CUL7: variants seen among roughly 807,000 people sequenced by gnomAD.
CUL7 encodes the protein cullin 7, also known as cullin-7.
CUL7 carries 96 observed loss-of-function variants against 177.7 expected under a neutral mutation model. The observed-to-expected ratio is 0.54, with a 90% CI of 0.46 to 0.64. CUL7 has a LOEUF of 0.64. Among genes scored for constraint, CUL7 ranks in the 30% least tolerant of loss-of-function variants. The pLI is 0.00. For synonymous variants in CUL7, 824 were observed against 890.2 expected (o/e 0.93, Z 1.32); for missense variants, 1,893 against 2,187.9 (o/e 0.87, Z 2.69).
Position 43,044,879 on chromosome 6 carries a change from G to T in CUL7, c.3045C>A (p.Asn1015Lys). 1 of 1,613,444 alleles carries T rather than the reference G, an allele frequency of 6.2e-7. No individual in the cohort carries two copies. Among genetic ancestry groups the T allele is most frequent in the South Asian group, 1.1e-5 (1 of 91,034 alleles). Residue 1015 changes from asparagine to lysine, a missense_variant, in exon 16 of 26, where the codon AAC becomes AAA. Around this residue, in one of 5 missense-constraint regions of CUL7, gnomAD observed 973 missense variants for 1,140.9 expected, o/e 0.85. Transcript: ENST00000265348. ...AATTCTGCTCCTGGCGCAGAGCACC[G>T]TTGAGTCTGGGGGTGAGAATGGAGG... The part of the protein sequence containing the change: ...RSLLHLSSRL[N>K]GALRQEQNFA...
At chr6:43,041,104 A>G in intron 19 of CUL7, 29 bp from the exon 20 acceptor site, 1 of 1,612,044 alleles carries the variant, frequency 6.2e-7, no homozygotes, top group East Asian at 2.2e-5. Context: ...CAGGAAAGCC[A>G]TGAATGAGCG....
intron 7 of CUL7, 46 bp downstream of exon 7, chr6:43,049,361 A>G (rs1375703733): frequency 6.2e-7 from 1 of 1,613,260 alleles, no homozygotes; most frequent in Admixed American, 1.7e-5. Context: ...CTCCTGTGCT[A>G]CTGCCCTGAA....
chr6:43,050,572 ACAC>A lies in CUL7; in HGVS notation c.1234-177_1234-175del, dbSNP rs1764311599. 6.8e-6 allele frequency among the ~76,000 whole-genome samples: 1 copy of A among 146,760 alleles called. No homozygotes were observed. Among genetic ancestry groups the A allele is most frequent in the Middle Eastern group, 3.3e-3 (1 of 300 alleles). ...AATACACACACACACACACACACACACACACACACACACACACACACACACACA... is the reference window on the plus strand; with the variant it reads ...AATACACACACACACACACACACACAACACACACACACACACACACACACA... On this transcript the variant is annotated intron_variant, in intron 4 of 25. Transcript: ENST00000265348. This position sits in a 1 kb window ranked among gnomAD's most constrained non-coding sequence, Gnocchi z 4.1.
Position 43,052,002 on chromosome 6 carries a change from G to A in CUL7, c.580+207C>T. ...CATAAAAAGCAACTAATTAATATGA[G>A]GTTCTTGAAGATAGTCTTTCCTCTT... On this transcript the variant is annotated intron_variant, in intron 2 of 25. Coordinates refer to ENST00000265348, the MANE Select transcript of CUL7 (RefSeq NM_014780.5). This position sits in a 1 kb window ranked among gnomAD's most constrained non-coding sequence, Gnocchi z 4.5. 2 of 985,734 alleles carry A rather than the reference G, an allele frequency of 2.0e-6. No homozygotes were observed. The highest frequency in any genetic ancestry group is 3.0e-6 in the Non-Finnish European group (2 of 675,544). The allele number at this position is 985,734 out of a possible 1,614,324, so 61.1% of individuals were successfully genotyped here.
Position 43,053,735 on chromosome 6 carries a change from C to G in CUL7, c.-122G>C. The G allele has an allele frequency of 6.8e-7, 1 of 1,474,810 alleles. No individual in the cohort carries two copies. Among genetic ancestry groups the G allele is most frequent in the African/African-American group, 1.4e-5 (1 of 69,346 alleles). 91.4% of individuals were successfully genotyped at this position (1,474,810 alleles called of 1,614,324 possible). A position where few individuals can be genotyped will look rare whatever the true frequency, so the allele number is the denominator to read the frequency against. ...CCTGGGCCCCGCGAGGGGGTCGAGACGGAGAGACGGGAGGGGGCGTGCCTC... is the reference window on the plus strand; with the variant it reads ...CCTGGGCCCCGCGAGGGGGTCGAGAGGGAGAGACGGGAGGGGGCGTGCCTC... On this transcript the variant is annotated 5_prime_UTR_variant, in exon 1 of 26. Coordinates refer to ENST00000265348, the MANE Select transcript of CUL7 (RefSeq NM_014780.5). This position sits in a 1 kb window ranked among gnomAD's most constrained non-coding sequence, Gnocchi z 4.1.
In CUL7 at chr6:43,046,983, T is replaced by C; in HGVS notation, c.2294A>G (p.Lys765Arg). ...ISKALEKHLG[K>R]LELAQELRDM... ...CCGCAGCTCCTGAGCCAGCTCCAGC[T>C]TTCCCAGGTGCTTTTCCAGGGCCTT... Residue 765 changes from lysine to arginine, a missense_variant, in exon 10 of 26, where the codon AAG becomes AGG. Transcript: ENST00000265348. 1 of 1,613,442 alleles carries C rather than the reference T, an allele frequency of 6.2e-7. No individual in the cohort carries two copies. Among genetic ancestry groups the C allele is most frequent in the Non-Finnish European group, 8.5e-7 (1 of 1,179,370 alleles).
In CUL7 at chr6:43,053,749, G is replaced by C; in HGVS notation, c.-136C>G. ...GGGGGTCGAGACGGAGAGACGGGAG[G>C]GGGCGTGCCTCCGCGGAACAGAGCT... On this transcript the variant is annotated 5_prime_UTR_variant, in exon 1 of 26. Coordinates refer to ENST00000265348, the MANE Select transcript of CUL7 (RefSeq NM_014780.5). This position sits in a 1 kb window ranked among gnomAD's most constrained non-coding sequence, Gnocchi z 4.1. 4 of 1,495,296 alleles carry C rather than the reference G, an allele frequency of 2.7e-6. No homozygotes were observed. The highest frequency in any genetic ancestry group is 3.6e-6 in the Non-Finnish European group (4 of 1,124,750). 92.6% of individuals were successfully genotyped at this position (1,495,296 alleles called of 1,614,324 possible).
At chr6:43,038,213 T>A in intron 25 of CUL7, 54 bp downstream of exon 25, 1 of 1,594,558 alleles carries the variant, frequency 6.3e-7, no homozygotes, top group South Asian at 1.1e-5. Flanking sequence ...TCCTGTAGAC[T>A]GCTCCCCCAA....
At position 43,052,759 on chromosome 6, in the gene CUL7, G is replaced by C. The variant is rs773024627; in HGVS notation, c.30C>G (p.Phe10Leu). 3 of 1,608,676 alleles carry C rather than the reference G, an allele frequency of 1.9e-6. No individual in the cohort carries two copies. The highest frequency in any genetic ancestry group is 2.5e-6 in the Non-Finnish European group (3 of 1,180,000). MVGELRYRE[F>L]RVPLGPGLHA... ...GTAAGCCGGGCCCCAGGGGCACCCT[G>C]AATTCCCTGTAGCGGAGTTCTCCCA... The change falls in exon 2 of 26, where the codon TTC becomes TTG. Residue 10 changes from phenylalanine (F) to leucine (L), a missense_variant. By Grantham distance (22) the Phe-to-Leu change is conservative (BLOSUM62 0). Transcript: ENST00000265348. The surrounding 1 kb of genome is among the most constrained non-coding windows in gnomAD (Gnocchi z 4.5).
In CUL7 at chr6:43,046,616, TCA is replaced by T. The variant is rs1763932234; in HGVS notation, c.2398-17_2398-16del. 2 of 1,613,808 alleles carry T rather than the reference TCA, an allele frequency of 1.2e-6. No individual in the cohort carries two copies. The highest frequency in any genetic ancestry group is 1.3e-5 in the African/African-American group (1 of 74,832). On this transcript the variant is annotated splice_polypyrimidine_tract_variant and intron_variant, in intron 10 of 25. Coordinates refer to ENST00000265348, the MANE Select transcript of CUL7 (RefSeq NM_014780.5). The stretch of plus-strand genomic sequence containing the variant: ...CCCAGCACCATCTGCAGCCAGAACA[TCA>T]GAGAGAAGGGGCACAGGGGCAGAAG...
rs200518323 is a variant in CUL7 at position 43,046,422 on chromosome 6, G to C, written c.2489-15C>G. 359 of 1,614,208 alleles carry C rather than the reference G, an allele frequency of 2.2e-4. No homozygotes were observed. Among genetic ancestry groups the C allele is most frequent in the Non-Finnish European group, 8.5e-6 (10 of 1,180,032 alleles). On this transcript the variant is annotated splice_polypyrimidine_tract_variant and intron_variant, in intron 11 of 25. Transcript: ENST00000265348. ...CACACTGGAGCCTGGGGGCAAGTGG[G>C]AAGGGGTGGTGGTCACGGTCAGGTA...
In CUL7 at chr6:43,048,225, C is replaced by T. The variant is rs374554501; in HGVS notation, c.2092G>A (p.Glu698Lys). Residue 698 changes from glutamate to lysine, a missense_variant, in exon 9 of 26, where the codon GAG (glutamate) becomes AAG (lysine). By Grantham distance (56) the Glu-to-Lys change is moderately conservative. Coordinates refer to ENST00000265348, the MANE Select transcript of CUL7 (RefSeq NM_014780.5). ...RILKQLVDFP[E>K]ALLLPWHEAV... ...TCGTGCCAGGGGAGCAGCAGTGCCT[C>T]GGGGAAGTCCACCAGCTGCTTCAGG... 5.6e-6 allele frequency: 9 copies of T among 1,613,868 alleles called. No homozygotes were observed. The highest frequency in any genetic ancestry group is 4.0e-5 in the African/African-American group (3 of 74,916).
rs1581900266 is a variant in CUL7 at position 43,038,453 on chromosome 6, A to G, written c.4587T>C (p.Asp1529=). The G allele has an allele frequency of 1.2e-6, 2 of 1,614,158 alleles. No homozygotes were observed. Among genetic ancestry groups the G allele is most frequent in the Non-Finnish European group, 1.7e-6 (2 of 1,180,028 alleles). ...ATCTCGACCTGGGTTCCTTGCTGCC[A>G]TCTCGAATCTTGAGGACCCCTGAAA... The part of the protein sequence containing the change: ...DIPGGVLKIR[D]GSKEPRSRWD... The change falls in exon 25 of 26, where the codon GAT becomes GAC. Residue 1529 remains aspartate (D), a synonymous_variant. Transcript: ENST00000265348.
rs781705770 is a variant in CUL7, at chr6:43,040,884, G to A, written c.3806+31C>T. 1.1e-5 allele frequency: 17 copies of A among 1,610,406 alleles called. No homozygotes were observed. Among genetic ancestry groups the A allele is most frequent in the Admixed American group, 5.0e-5 (3 of 59,602 alleles). Reference sequence around the variant, plus strand: ...CTCTGCCACCATCATCCTGCCTCCCGCCAGCTCCCGCTCCTTAGGTCCACA... The same window carrying A: ...CTCTGCCACCATCATCCTGCCTCCCACCAGCTCCCGCTCCTTAGGTCCACA... On this transcript the variant is annotated intron_variant, in intron 20 of 25. Coordinates refer to ENST00000265348, the MANE Select transcript of CUL7 (RefSeq NM_014780.5). The surrounding 1 kb of genome is among the most constrained non-coding windows in gnomAD (Gnocchi z 4.2).
In CUL7 at chr6:43,037,708, T is replaced by C; in HGVS notation, c.5077A>G (p.Ser1693Gly). ...TAGGGCTACCGGAAGGTAGAGAAGCTCTGGGTGGCAGTGCAGGAGGCATAG... is the reference window on the plus strand; with the variant it reads ...TAGGGCTACCGGAAGGTAGAGAAGCCCTGGGTGGCAGTGCAGGAGGCATAG... ...VPYASCTATQ[S>G]FSTFR Residue 1693 changes from serine (S) to glycine (G), a missense_variant, in exon 26 of 26, where the codon AGC becomes GGC. Around this residue, in one of 5 missense-constraint regions of CUL7, gnomAD observed 248 missense variants for 262.5 expected, o/e 0.94. Transcript: ENST00000265348. 1 of 1,558,286 alleles carries C rather than the reference T, an allele frequency of 6.4e-7. No homozygotes were observed. The highest frequency in any genetic ancestry group is 8.7e-7 in the Non-Finnish European group (1 of 1,150,674).
In CUL7 at chr6:43,045,184, A is replaced by T; in HGVS notation, c.3038+43T>A. 6.3e-7 allele frequency: 1 copy of T among 1,595,794 alleles called. No individual in the cohort carries two copies. The highest frequency in any genetic ancestry group is 1.1e-5 in the South Asian group (1 of 89,342). ...CCTGCCAGCTATTTGCAATAGCCTT[A>T]CCTTTCCCACAGACACAAGCATACA... On this transcript the variant is annotated intron_variant, in intron 15 of 25. Coordinates refer to ENST00000265348, the MANE Select transcript of CUL7 (RefSeq NM_014780.5). This position sits in a 1 kb window ranked among gnomAD's most constrained non-coding sequence, Gnocchi z 4.8.
rs34916226 is a variant in CUL7 at position 43,044,875 on chromosome 6, C to T, written c.3049G>A (p.Ala1017Thr). 453 of 1,613,532 alleles carry T rather than the reference C, an allele frequency of 2.8e-4. No individual in the cohort carries two copies. The African/African-American group carries it at 5.6e-3, about 20-fold the overall frequency. The change falls in exon 16 of 26, where the codon GCT (alanine) becomes ACT (threonine). Residue 1017 changes from alanine to threonine, a missense_variant. Coordinates refer to ENST00000265348, the MANE Select transcript of CUL7 (RefSeq NM_014780.5). Reference sequence around the variant, plus strand: ...GCAAAATTCTGCTCCTGGCGCAGAGCACCGTTGAGTCTGGGGGTGAGAATG... The same window carrying T: ...GCAAAATTCTGCTCCTGGCGCAGAGTACCGTTGAGTCTGGGGGTGAGAATG... Reference protein sequence around the residue: ...LLHLSSRLNGALRQEQNFADR... With the variant: ...LLHLSSRLNGTLRQEQNFADR...
Position 43,051,031 on chromosome 6 carries a change from C to T in CUL7, c.1170G>A (p.Glu390=), listed in dbSNP as rs762238817. The change falls in exon 4 of 26, where the codon GAG becomes GAA. Residue 390 remains glutamate (E), a synonymous_variant. Coordinates refer to ENST00000265348, the MANE Select transcript of CUL7 (RefSeq NM_014780.5). The surrounding 1 kb of genome is among the most constrained non-coding windows in gnomAD (Gnocchi z 5.0). ...CGCCCTCATCCCCGGCACTGATCTC[C>T]TCATAATCATCCAGCATCCGCACTC... The part of the protein sequence containing the change: ...GMRVRMLDDY[E]EISAGDEGEF... 1.2e-6 allele frequency: 2 copies of T among 1,612,476 alleles called. No homozygotes were observed. The highest frequency in any genetic ancestry group is 1.7e-6 in the Non-Finnish European group (2 of 1,178,734).
chr6:43,042,097 GGGAGGGAA>G lies in CUL7; in HGVS notation c.3645+697_3645+704del, dbSNP rs367968039. Among the ~76,000 whole-genome samples the G allele has an allele frequency of 6.5e-3, 979 of 150,326 alleles. 9 individuals are homozygous for G. The highest frequency in any genetic ancestry group is 0.034 in the South Asian group (162 of 4,696). On this transcript the variant is annotated intron_variant, in intron 19 of 25. Coordinates refer to ENST00000265348, the MANE Select transcript of CUL7 (RefSeq NM_014780.5). ...AAGGAGGGAGGGAGGGAGAGAAGGA[GGGAGGGAA>G]GGAGGGAAGGAGGGAAGGAAGGAAG...
Sources: allele counts gnomAD v4.1 joint callset (sites outside exome capture counted in the v4.1 genomes callset), GRCh38; gene constraint gnomAD v4.1.1; regional missense constraint gnomAD v4.1.1; non-coding constraint Gnocchi (gnomAD v3.1); transcripts MANE v1.5; gene names NCBI Gene and HGNC (gene_info 2026-07-23, HGNC 2026-07-21).